Variants in PIP4K2A observed in about 807,000 individuals in gnomAD.
The protein encoded by PIP4K2A is phosphatidylinositol 5-phosphate 4-kinase type-2 alpha.
PIP4K2A carries 14 observed loss-of-function variants against 42.9 expected under a neutral mutation model. The ratio of observed to expected loss-of-function variants is 0.33; its 90% CI spans 0.22 to 0.51. The LOEUF (loss-of-function observed/expected upper bound fraction) is 0.51. Among genes scored for constraint, PIP4K2A ranks in the 20% least tolerant of loss-of-function variants. PIP4K2A has a pLI of 0.97. For missense variants in PIP4K2A, 434 were observed against 519.8 expected (o/e 0.83, Z 1.61); for synonymous variants, 192 against 192.2 (o/e 1.00, Z 0.01).
intron 1 of PIP4K2A, among the ~76,000 whole-genome samples, chr10:22,669,371 T>C (rs566994923): frequency 6.6e-6 from 1 of 152,298 alleles, no homozygotes; most frequent in South Asian, 2.1e-4. Context: ...GAGTACACTC[T>C]GTAATGTTCA....
intron 1 of PIP4K2A, among the ~76,000 whole-genome samples, chr10:22,626,645 G>A (rs1588672403): frequency 6.6e-6 from 1 of 152,160 alleles, no homozygotes; most frequent in South Asian, 2.1e-4. Flanking sequence ...ACACTGAAGT[G>A]CAGAAAATCA....
chr10:22,698,926 C>T (rs1365592730), intron 1 of PIP4K2A, among the ~76,000 whole-genome samples: 3 of 152,110 alleles, frequency 2.0e-5, no homozygotes, highest in African/African-American at 7.2e-5. Flanking sequence ...CCTAAATAAG[C>T]ATAAGAAGAA....
chr10:22,537,894 G>A (rs554237569), intron 9 of PIP4K2A, among the ~76,000 whole-genome samples: 1 of 152,170 alleles, frequency 6.6e-6, no homozygotes, highest in African/African-American at 2.4e-5. Flanking sequence ...GCCCACGGGG[G>A]AAGGAGCTGA....
At chr10:22,563,198 G>T (rs1236723320) in intron 6 of PIP4K2A, among the ~76,000 whole-genome samples, 2 of 152,050 alleles carry the variant, frequency 1.3e-5, no homozygotes, top group African/African-American at 4.8e-5. Flanking sequence ...GGGTGGGTGG[G>T]GTAGCTTTAT....
At chr10:22,650,615 T>C (rs1838974666) in intron 1 of PIP4K2A, among the ~76,000 whole-genome samples, 1 of 152,218 alleles carries the variant, frequency 6.6e-6, no homozygotes. Flanking sequence ...CAATATATAC[T>C]CTCACTTAGG....
intron 1 of PIP4K2A, among the ~76,000 whole-genome samples, chr10:22,709,488 GC>G (rs1211469981): frequency 6.6e-6 from 1 of 152,148 alleles, no homozygotes; most frequent in Non-Finnish European, 1.5e-5. Flanking sequence ...CGAAGGCTAT[GC>G]TGGCAGAATT....
chr10:22,619,703 C>T (rs1838275508), intron 1 of PIP4K2A, among the ~76,000 whole-genome samples: 1 of 152,150 alleles, frequency 6.6e-6, no homozygotes, highest in African/African-American at 2.4e-5. Flanking sequence ...TCCCAAAGTG[C>T]TGGGATTACA....
At chr10:22,705,834 G>C (rs746654783) in intron 1 of PIP4K2A, among the ~76,000 whole-genome samples, 2 of 151,776 alleles carry the variant, frequency 1.3e-5, no homozygotes, top group African/African-American at 2.4e-5. Flanking sequence ...CATTGTATTA[G>C]TCTGTTCTCA....
chr10:22,581,656 C>T (rs1199996817), intron 4 of PIP4K2A, among the ~76,000 whole-genome samples: 1 of 151,314 alleles, frequency 6.6e-6, no homozygotes, highest in Non-Finnish European at 1.5e-5. Flanking sequence ...GCACCTCTTG[C>T]TCTTGTCACT....
chr10:22,668,762 A>C (rs938638126), intron 1 of PIP4K2A, among the ~76,000 whole-genome samples: 1 of 152,236 alleles, frequency 6.6e-6, no homozygotes, highest in Non-Finnish European at 1.5e-5. Context: ...GCAACAGTAG[A>C]TATTAAACCA....
At chr10:22,680,468 C>A (rs944144742) in intron 1 of PIP4K2A, among the ~76,000 whole-genome samples, 1 of 152,134 alleles carries the variant, frequency 6.6e-6, no homozygotes, top group Non-Finnish European at 1.5e-5. Context: ...ATGAGCCACA[C>A]GTACCAGGAA....
At chr10:22,556,786 T>G (rs1363105621) in intron 6 of PIP4K2A, among the ~76,000 whole-genome samples, 7 of 152,204 alleles carry the variant, frequency 4.6e-5, no homozygotes, top group African/African-American at 1.7e-4. Flanking sequence ...AAAAGAAAAT[T>G]TATTATAAAC....
chr10:22,644,629 C>A (rs934212056), intron 1 of PIP4K2A, among the ~76,000 whole-genome samples: 1 of 152,196 alleles, frequency 6.6e-6, no homozygotes, highest in Non-Finnish European at 1.5e-5. Context: ...TGGCACCCAC[C>A]ACTCTAATCT....
intron 1 of PIP4K2A, among the ~76,000 whole-genome samples, chr10:22,639,689 A>G (rs1018311053): frequency 6.6e-6 from 1 of 152,236 alleles, no homozygotes; most frequent in African/African-American, 2.4e-5. Flanking sequence ...TATTTGCTAT[A>G]GTGAATAAAA....
chr10:22,672,930 G>A (rs1208356671), intron 1 of PIP4K2A, among the ~76,000 whole-genome samples: 1 of 152,176 alleles, frequency 6.6e-6, no homozygotes, highest in African/African-American at 2.4e-5. Context: ...TTCCTGAGAA[G>A]CCTTCTAGTA....
chr10:22,590,527 A>C (rs1837487228), intron 4 of PIP4K2A, among the ~76,000 whole-genome samples: 1 of 152,206 alleles, frequency 6.6e-6, no homozygotes, highest in South Asian at 2.1e-4. Flanking sequence ...AATCCATATT[A>C]GGTGTTATTA....
At chr10:22,645,972 T>C (rs1257542800) in intron 1 of PIP4K2A, among the ~76,000 whole-genome samples, 2 of 152,206 alleles carry the variant, frequency 1.3e-5, no homozygotes, top group Non-Finnish European at 2.9e-5. Flanking sequence ...TCCACCGATC[T>C]TGGCGTCCCA....
chr10:22,547,812 T>C (rs186697183), intron 7 of PIP4K2A, among the ~76,000 whole-genome samples: 173 of 152,288 alleles, frequency 1.1e-3, no homozygotes, highest in African/African-American at 3.5e-3. Context: ...GTGTGTGTGT[T>C]TGTGTGCAGA....
chr10:22,664,142 C>CATATATATATAT (rs1554807247), intron 1 of PIP4K2A, among the ~76,000 whole-genome samples: 12 of 27,958 alleles, frequency 4.3e-4, no homozygotes, highest in Admixed American at 1.1e-3. Context: ...TATATATATA[C>CATATATATATAT]ATATATATAC....
Sources: allele counts gnomAD v4.1 joint callset (sites outside exome capture counted in the v4.1 genomes callset), GRCh38; gene constraint gnomAD v4.1.1; transcripts MANE v1.5; gene names NCBI Gene and HGNC (gene_info 2026-07-23, HGNC 2026-07-21).